Variants in GRK1 observed in about 807,000 individuals in gnomAD.
The protein encoded by GRK1 is G protein-coupled receptor kinase 1.
Under a neutral mutation model 41.7 loss-of-function variants are expected in GRK1, and 28 were observed. The observed-to-expected ratio is 0.67, with a 90% CI of 0.50 to 0.92. GRK1 has a LOEUF of 0.92. GRK1 is among the 40% of genes least tolerant of loss of function. GRK1 has a pLI of 0.00. For synonymous variants in GRK1, 327 were observed against 286.7 expected (o/e 1.14, Z -1.42); for missense variants, 703 against 671.2 (o/e 1.05, Z -0.52).
chr13:113,652,883 TTAA>T, the GRK1 span: 1 of 1,614,202 alleles, frequency 6.2e-7, no homozygotes, highest in Non-Finnish European at 8.5e-7. Context: ...CCTGTTCATT[TTAA>T]TAATAAAACA....
chr13:113,651,299 A>G, the GRK1 span, among the ~76,000 whole-genome samples: 1 of 152,264 alleles, frequency 6.6e-6, no homozygotes, highest in Non-Finnish European at 1.5e-5. Context: ...TATACTAAAC[A>G]CAGTTAAACA....
At position 113,734,045 on chromosome 13, in the gene GRK1, T is replaced by C. The variant is rs1409719528; in HGVS notation, c.1396+960T>C. On this transcript the variant is annotated intron_variant, in intron 6 of 6. Coordinates refer to ENST00000335678, the MANE Select transcript of GRK1 (RefSeq NM_002929.3). ...GTGCGTGCGTGTGCGTATGTGTGTG[T>C]GCATACGTGTGTGTGCATGTGTGTG... Among the ~76,000 whole-genome samples, 9 of 151,396 alleles carry C rather than the reference T, an allele frequency of 5.9e-5. 1 individual carries two copies. Among genetic ancestry groups the C allele is most frequent in the African/African-American group, 1.5e-4 (6 of 40,986 alleles).
intron 5 of GRK1, among the ~76,000 whole-genome samples, chr13:113,732,117 G>T (rs1371361772): frequency 6.6e-6 from 1 of 152,178 alleles, no homozygotes; most frequent in Admixed American, 6.5e-5. Flanking sequence ...CAGGGCTGGG[G>T]CTGCCTCTCG....
rs200341975 is a variant in GRK1 at position 113,723,498 on chromosome 13, C to CACTG, written c.1069+342_1069+345dup. 4.3e-3 allele frequency among the ~76,000 whole-genome samples: 658 copies of CACTG among 152,188 alleles called. 1 individual carries two copies. Among genetic ancestry groups the CACTG allele is most frequent in the African/African-American group, 0.014 (597 of 41,506 alleles). On this transcript the variant is annotated intron_variant, in intron 4 of 6. Coordinates refer to ENST00000335678, the MANE Select transcript of GRK1 (RefSeq NM_002929.3). ...CATCAATCAGCATATGTAAGATGAACACTGGTTCGGTCTGGAAAGGCGGGA... is the reference window on the plus strand; with the variant it reads ...CATCAATCAGCATATGTAAGATGAACACTGACTGGTTCGGTCTGGAAAGGCGGGA...
In GRK1 at chr13:113,733,040, G is replaced by A; in HGVS notation, c.1351G>A (p.Ala451Thr). The A allele has an allele frequency of 6.5e-7, 1 of 1,537,086 alleles. No individual in the cohort carries two copies. Among genetic ancestry groups the A allele is most frequent in the Non-Finnish European group, 8.7e-7 (1 of 1,146,910 alleles). ...AGATGAGACCTGCGACAAGCTCCGT[G>A]CCCACCCCCTCTTCAAGGACCTTAA... ...FRDETCDKLR[A>T]HPLFKDLNWR... The change falls in exon 6 of 7, where the codon GCC (alanine) becomes ACC (threonine). Residue 451 changes from alanine (A) to threonine (T), a missense_variant. Transcript: ENST00000335678.
At chr13:113,658,903 T>A in the GRK1 span, among the ~76,000 whole-genome samples, 2 of 152,192 alleles carry the variant, frequency 1.3e-5, no homozygotes, top group Non-Finnish European at 2.9e-5. Flanking sequence ...ATCTGTTGAA[T>A]GCAGATTCAG....
At position 113,667,981 on chromosome 13, in the gene GRK1, G is replaced by C. The variant is rs2049830881; in HGVS notation, c.595G>C (p.Gly199Arg). ...CCTGGACTTCAGGGTCCTAGGGAAA[G>C]GGGGCTTCGGGGAGGTGTCGGCCTG... ...WFLDFRVLGKGGFGEVSACQM... is the reference protein window; with the variant it reads ...WFLDFRVLGKRGFGEVSACQM... Residue 199 changes from glycine to arginine, a missense_variant, in exon 1 of 7, where the codon GGG becomes CGG. Gly to Arg is a moderately radical substitution (Grantham distance 125). Transcript: ENST00000335678. The surrounding 1 kb of genome is among the most constrained non-coding windows in gnomAD (Gnocchi z 7.5). The C allele has an allele frequency of 1.9e-6, 3 of 1,610,710 alleles. No homozygotes were observed. Among genetic ancestry groups the C allele is most frequent in the East Asian group, 4.5e-5 (2 of 44,796 alleles).
chr13:113,733,259 G>A (rs1461530073), intron 6 of GRK1, among the ~76,000 whole-genome samples, 174 bp downstream of exon 6: 3 of 152,186 alleles, frequency 2.0e-5, no homozygotes, highest in African/African-American at 7.2e-5. Flanking sequence ...CCAGCCCCAG[G>A]ACAAGCCGAT....
chr13:113,732,017 C>T (rs914556835), intron 5 of GRK1, among the ~76,000 whole-genome samples: 1 of 152,196 alleles, frequency 6.6e-6, no homozygotes, highest in African/African-American at 2.4e-5. Flanking sequence ...ACCAGAACTG[C>T]AAATAGGGAT....
the GRK1 span, chr13:113,651,590 G>A: frequency 2.1e-6 from 3 of 1,407,870 alleles, no homozygotes; most frequent in Non-Finnish European, 1.9e-6. Flanking sequence ...GAACCAGGTG[G>A]GCCGTGCCCA....
chr13:113,668,214 A>AT, intron 1 of GRK1, 129 bp downstream of exon 1: 1 of 1,015,140 alleles, frequency 9.9e-7, no homozygotes, highest in Non-Finnish European at 1.4e-6. Context: ...GGGAGCATGC[A>AT]TGCCAGCCTC....
intron 4 of GRK1, among the ~76,000 whole-genome samples, chr13:113,729,953 G>T (rs1235641450): frequency 6.9e-6 from 1 of 145,328 alleles, no homozygotes; most frequent in Non-Finnish European, 1.5e-5. Flanking sequence ...CCGCGGCTGC[G>T]CCCAAACCCG....
chr13:113,723,250 GTT>G lies in GRK1; in HGVS notation c.1069+95_1069+96del. 8.1e-6 allele frequency: 5 copies of G among 614,844 alleles called. No homozygotes were observed. The South Asian group carries it at 8.6e-5, about 11-fold the overall frequency. 38.1% of individuals were successfully genotyped at this position (614,844 alleles called of 1,614,324 possible). On this transcript the variant is annotated intron_variant, in intron 4 of 6. Transcript: ENST00000335678. ...TGTGTGCACTTGCACATACATGTGA[GTT>G]TGTGTATATAGGTGTGTCTGTGTGC...
the GRK1 span, among the ~76,000 whole-genome samples, chr13:113,652,198 G>A: frequency 1.3e-5 from 2 of 152,172 alleles, no homozygotes; most frequent in African/African-American, 4.8e-5. Context: ...CTCCGAGGGT[G>A]GCAGCTGCCA....
the GRK1 span, among the ~76,000 whole-genome samples, chr13:113,655,632 G>A: frequency 1.7e-4 from 26 of 152,284 alleles, no homozygotes; most frequent in East Asian, 9.6e-4. Flanking sequence ...TGCTGTCTTC[G>A]TCTCTGTAAA....
In GRK1 at chr13:113,667,323, G is replaced by GAA; in HGVS notation, c.-63_-62dup. ...CAGCAGTCAGGCCTGCTCTGTCTGT[G>GAA]AACGCTCCCGGCTTGGCCTCGGCTG... On this transcript the variant is annotated 5_prime_UTR_variant, in exon 1 of 7. Transcript: ENST00000335678. The surrounding 1 kb of genome is among the most constrained non-coding windows in gnomAD (Gnocchi z 7.5). 1 of 1,446,462 alleles carries GAA rather than the reference G, an allele frequency of 6.9e-7. No individual in the cohort carries two copies. The highest frequency in any genetic ancestry group is 2.5e-5 in the East Asian group (1 of 40,288). 89.6% of individuals were successfully genotyped at this position (1,446,462 alleles called of 1,614,324 possible).
rs762574846 is a variant in GRK1, at chr13:113,733,822, CGT to C, written c.1396+745_1396+746del. ...GTGTATCTGTGTGCATACGTGTGTG[CGT>C]GTGTGTGCACGTGCGTGTGCATGTG... On this transcript the variant is annotated intron_variant, in intron 6 of 6. Coordinates refer to ENST00000335678, the MANE Select transcript of GRK1 (RefSeq NM_002929.3). Among the ~76,000 whole-genome samples the C allele has an allele frequency of 7.8e-4, 73 of 93,624 alleles. 4 individuals are homozygous for C. The highest frequency in any genetic ancestry group is 2.7e-3 in the East Asian group (7 of 2,552). 61.4% of individuals were successfully genotyped at this position (93,624 alleles called of 152,430 possible). A position where few individuals can be genotyped will look rare whatever the true frequency, so the allele number is the denominator to read the frequency against.
upstream of GRK1, among the ~76,000 whole-genome samples, chr13:113,665,625 GGTGTGCCCCAGCTGTCTCCA>G (rs2049812901): frequency 7.1e-6 from 1 of 141,662 alleles, no homozygotes; most frequent in South Asian, 2.3e-4. Context: ...AGCTGTCCCA[GGTGTGCCCCAGCTGTCTCCA>G]GTGTGTCCCA....
chr13:113,723,637 G>A (rs907945124), intron 4 of GRK1, among the ~76,000 whole-genome samples: 3 of 152,156 alleles, frequency 2.0e-5, no homozygotes, highest in African/African-American at 7.2e-5. Flanking sequence ...TGAACAGAGG[G>A]CTCACTGAGA....
Sources: gnomAD v4.1 joint callset for allele counts (sites outside exome capture counted in the v4.1 genomes callset) on GRCh38, gnomAD v4.1.1 for gene constraint, Gnocchi (gnomAD v3.1) non-coding constraint, MANE v1.5 for transcripts, NCBI Gene and HGNC (gene_info 2026-07-23, HGNC 2026-07-21) for gene names.